CPXM2: variants seen among roughly 807,000 people sequenced by gnomAD.
The protein encoded by CPXM2 is inactive carboxypeptidase-like protein X2.
In CPXM2, 66 loss-of-function variants were observed where a neutral mutation model predicts 86.1. The ratio of observed to expected loss-of-function variants is 0.77; its 90% CI spans 0.63 to 0.94. The LOEUF is 0.94. Among genes scored for constraint, CPXM2 ranks in the 40% least tolerant of loss-of-function variants. The pLI, the probability that CPXM2 is intolerant of heterozygous loss-of-function variation, is 0.00. For synonymous variants in CPXM2, 388 were observed against 400.2 expected, an observed-to-expected ratio of 0.97 and a Z score of 0.36; for missense variants, 948 against 1,026.3, an observed-to-expected ratio of 0.92 and a Z score of 1.04.
chr10:123,918,190 A>C (rs1028983847), intron 2 of CPXM2, among the ~76,000 whole-genome samples: 2 of 152,236 alleles, frequency 1.3e-5, no homozygotes, highest in Non-Finnish European at 2.9e-5. Context: ...ATGGAAACAA[A>C]TATTCACTGG....
chr10:123,752,227 GAATT>G, intron 13 of CPXM2: 1 of 985,310 alleles, frequency 1.0e-6, no homozygotes, highest in Non-Finnish European at 1.2e-6. Context: ...TACATTTGCT[GAATT>G]AATTAAGGAA....
intron 2 of CPXM2, among the ~76,000 whole-genome samples, chr10:123,927,901 C>A (rs1336800138): frequency 6.6e-6 from 1 of 152,220 alleles, no homozygotes; most frequent in Non-Finnish European, 1.5e-5. Context: ...AGGAACCCCC[C>A]AGTGTTGGGG....
chr10:123,816,527 G>T (rs1387480367), intron 4 of CPXM2, among the ~76,000 whole-genome samples: 4 of 152,238 alleles, frequency 2.6e-5, no homozygotes, highest in South Asian at 2.1e-4. Flanking sequence ...CTGTGCAGAA[G>T]ACAGATGGAT....
intron 2 of CPXM2, among the ~76,000 whole-genome samples, chr10:123,923,745 T>C (rs1945598543): frequency 1.3e-5 from 2 of 152,194 alleles, no homozygotes; most frequent in African/African-American, 4.8e-5. Flanking sequence ...AATTGAATCA[T>C]AGGGGTGGTT....
intron 2 of CPXM2, among the ~76,000 whole-genome samples, chr10:123,938,089 T>C (rs1399910619): frequency 1.3e-5 from 2 of 152,242 alleles, no homozygotes; most frequent in Middle Eastern, 3.4e-3. Flanking sequence ...TCCCTCTTTC[T>C]GACTCTCTCT....
chr10:123,787,379 T>C (rs1228901249), intron 6 of CPXM2, among the ~76,000 whole-genome samples: 5 of 151,988 alleles, frequency 3.3e-5, no homozygotes, highest in African/African-American at 9.7e-5. Context: ...GCCTGCTCAC[T>C]ACATGAGACT....
intron 1 of CPXM2, 36 bp from the exon 2 acceptor site, chr10:123,880,345 T>C (rs895248199): frequency 8.9e-6 from 8 of 902,860 alleles, no homozygotes; most frequent in African/African-American, 4.9e-5. Context: ...TACTTTCACA[T>C]ACATCAGAGC....
At chr10:123,781,390 C>G (rs574636137) in intron 6 of CPXM2, among the ~76,000 whole-genome samples, 1 of 152,156 alleles carries the variant, frequency 6.6e-6, no homozygotes, top group African/African-American at 2.4e-5. Context: ...GGAGCAAGAA[C>G]AAGAAGGAGG....
Position 123,891,116 on chromosome 10 carries a change from C to G in CPXM2, c.304+240G>C, listed in dbSNP as rs1023180638. Among the ~76,000 whole-genome samples the G allele has an allele frequency of 6.6e-6, 1 of 152,254 alleles. No homozygotes were observed. On this transcript the variant is annotated intron_variant, in intron 1 of 13. Transcript: ENST00000241305. The surrounding 1 kb of genome is among the most constrained non-coding windows in gnomAD (Gnocchi z 5.6). ...GGCAGCCTCCCAATTGCACAGCTCC[C>G]TCTTTACCTAAGGGCATAAGCCAGA...
At chr10:123,795,542 T>C (rs939471270) in intron 6 of CPXM2, among the ~76,000 whole-genome samples, 1 of 152,180 alleles carries the variant, frequency 6.6e-6, no homozygotes, top group Non-Finnish European at 1.5e-5. Flanking sequence ...TCCCTGGCTC[T>C]GGCCTCAATA....
chr10:123,862,771 G>A, intron 2 of CPXM2, 48 bp from the exon 3 acceptor site: 2 of 1,503,458 alleles, frequency 1.3e-6, no homozygotes, highest in Non-Finnish European at 9.2e-7. Context: ...TGCTGAAAGG[G>A]ATGAGTTTCT....
chr10:123,908,661 GGACC>G (rs1945464225), intron 2 of CPXM2, among the ~76,000 whole-genome samples: 1 of 152,096 alleles, frequency 6.6e-6, no homozygotes, highest in African/African-American at 2.4e-5. Context: ...GGCTGCACAG[GGACC>G]AGACAACTGA....
chr10:123,800,028 G>GTTTT (rs530876054), intron 4 of CPXM2, among the ~76,000 whole-genome samples: 3 of 109,608 alleles, frequency 2.7e-5, no homozygotes, highest in Admixed American at 9.2e-5. Context: ...TAGTTTTTTG[G>GTTTT]TTTTTTTTTT....
chr10:123,928,689 C>G (rs1335327582), intron 2 of CPXM2, among the ~76,000 whole-genome samples: 1 of 152,248 alleles, frequency 6.6e-6, no homozygotes, highest in Non-Finnish European at 1.5e-5. Context: ...TTCCCGCTAA[C>G]AGCCCTGGCT....
In CPXM2 at chr10:123,770,956, A is replaced by G. The variant is rs1432111860; in HGVS notation, c.1062T>C (p.Tyr354=). Residue 354 remains tyrosine, a synonymous_variant, in exon 8 of 14, where the codon TAT becomes TAC. Transcript: ENST00000241305. ...CAGGGTGATCTGAGATCTCCACAGCATACAGCTTCAGGCCCTGGTGGCTTT... is the reference window on the plus strand; with the variant it reads ...CAGGGTGATCTGAGATCTCCACAGCGTACAGCTTCAGGCCCTGGTGGCTTT... ...IGKSHQGLKL[Y]AVEISDHPGE... is the part of the protein sequence containing the mutation. 1.2e-6 allele frequency: 2 copies of G among 1,614,188 alleles called. No homozygotes were observed. Among genetic ancestry groups the G allele is most frequent in the Admixed American group, 1.7e-5 (1 of 60,020 alleles).
At chr10:123,830,872 C>CTCTCTCTG (rs1258897184) in intron 4 of CPXM2, among the ~76,000 whole-genome samples, 7 of 142,800 alleles carry the variant, frequency 4.9e-5, no homozygotes, top group African/African-American at 1.6e-4. Context: ...CTCTCTCTCT[C>CTCTCTCTG]TGTGTGTGTG....
intron 7 of CPXM2, among the ~76,000 whole-genome samples, chr10:123,778,069 C>T (rs118115591): frequency 0.026 from 4,031 of 152,302 alleles, 92 homozygotes; most frequent in Admixed American, 0.044. Flanking sequence ...CCCCAACCAC[C>T]TGCAGCTTCC....
chr10:123,779,119 T>C (rs1846874639), intron 7 of CPXM2, among the ~76,000 whole-genome samples: 1 of 152,238 alleles, frequency 6.6e-6, no homozygotes, highest in Non-Finnish European at 1.5e-5. Flanking sequence ...TTGAGCCATG[T>C]TAATTTGCCC....
chr10:123,895,646 T>G (rs1259827814), upstream of CPXM2, among the ~76,000 whole-genome samples: 1 of 152,218 alleles, frequency 6.6e-6, no homozygotes, highest in Non-Finnish European at 1.5e-5. Flanking sequence ...ATTTGTCTGT[T>G]TAACTCAGGA....
Sources: allele counts gnomAD v4.1 joint callset (sites outside exome capture counted in the v4.1 genomes callset), GRCh38; gene constraint gnomAD v4.1.1; non-coding constraint Gnocchi (gnomAD v3.1); transcripts MANE v1.5; gene names NCBI Gene and HGNC (gene_info 2026-07-23, HGNC 2026-07-21).